The following ADAMTS17 variants were observed in gnomAD, a reference collection of about 807,000 sequenced individuals.
ADAMTS17 encodes the protein ADAM metallopeptidase with thrombospondin type 1 motif 17, also known as A disintegrin and metalloproteinase with thrombospondin motifs 17.
Under a neutral mutation model 141.5 loss-of-function variants are expected in ADAMTS17, and 113 were observed. That is an observed-to-expected ratio of 0.80 (90% CI 0.69 to 0.93). The LOEUF is 0.93. Ranked by LOEUF, ADAMTS17 falls within the 40% of genes least tolerant of loss-of-function variation. The pLI is 0.00. For missense variants in ADAMTS17, 1,659 were observed against 1,517.9 expected, an observed-to-expected ratio of 1.09 and a Z score of -1.54; for synonymous variants, 768 against 630.6, an observed-to-expected ratio of 1.22 and a Z score of -3.27.
chr15:100,144,464 C>T (rs1048278960), intron 10 of ADAMTS17, among the ~76,000 whole-genome samples: 14 of 152,106 alleles, frequency 9.2e-5, no homozygotes, highest in African/African-American at 3.1e-4. Context: ...GCAGGAGAAT[C>T]GCTTGAATCT....
chr15:100,034,944 A>G (rs925768461), intron 18 of ADAMTS17, among the ~76,000 whole-genome samples: 6 of 152,224 alleles, frequency 3.9e-5, no homozygotes, highest in Non-Finnish European at 7.3e-5. Context: ...TCCCCTTAGC[A>G]TAAACATGCA....
At chr15:100,059,026 G>T (rs2032893379) in intron 15 of ADAMTS17, among the ~76,000 whole-genome samples, 1 of 152,168 alleles carries the variant, frequency 6.6e-6, no homozygotes, top group Non-Finnish European at 1.5e-5. Flanking sequence ...GACAGATTTT[G>T]CTATCCACCT....
At chr15:100,305,698 T>C (rs2045200881) in intron 3 of ADAMTS17, among the ~76,000 whole-genome samples, 1 of 152,018 alleles carries the variant, frequency 6.6e-6, no homozygotes, top group Non-Finnish European at 1.5e-5. Context: ...GTGAGGGTGG[T>C]TTTACTGATG....
intron 15 of ADAMTS17, among the ~76,000 whole-genome samples, chr15:100,064,890 G>T (rs557512553): frequency 6.6e-6 from 1 of 152,148 alleles, no homozygotes; most frequent in Non-Finnish European, 1.5e-5. Context: ...CGTATTAGGC[G>T]TTTGTTTCTG....
At chr15:100,030,726 C>T (rs2127846) in intron 18 of ADAMTS17, among the ~76,000 whole-genome samples, 6,931 of 152,220 alleles carry the variant, frequency 0.046, 334 homozygotes, top group African/African-American at 0.12. Context: ...CTCTGAAATA[C>T]GTATAAATTA....
At chr15:100,275,163 A>C (rs55680282) in intron 4 of ADAMTS17, among the ~76,000 whole-genome samples, 20,179 of 152,250 alleles carry the variant, frequency 0.13, 1,456 homozygotes, top group East Asian at 0.31. Context: ...AACTCGTTCC[A>C]CAAGGCACGT....
intron 15 of ADAMTS17, among the ~76,000 whole-genome samples, chr15:100,058,437 G>A (rs2032829393): frequency 6.7e-6 from 1 of 150,152 alleles, no homozygotes; most frequent in Non-Finnish European, 1.5e-5. Flanking sequence ...GTATTCCTCG[G>A]GCCCTTTTTT....
At chr15:100,071,033 A>G (rs1340779315) in intron 15 of ADAMTS17, among the ~76,000 whole-genome samples, 1 of 150,366 alleles carries the variant, frequency 6.7e-6, no homozygotes, top group Non-Finnish European at 1.5e-5. Flanking sequence ...AGAATCAAAT[A>G]GATGCAATAA....
intron 18 of ADAMTS17, among the ~76,000 whole-genome samples, chr15:100,004,828 C>G (rs2061006542): frequency 6.6e-6 from 1 of 152,142 alleles, no homozygotes; most frequent in Non-Finnish European, 1.5e-5. Flanking sequence ...CCCATGTTGG[C>G]CAGGCTGGTC....
At chr15:100,040,933 AAGAC>A (rs1183580386) in intron 18 of ADAMTS17, among the ~76,000 whole-genome samples, 9 of 152,218 alleles carry the variant, frequency 5.9e-5, no homozygotes, top group African/African-American at 2.2e-4. Context: ...ATTTTAGAAA[AAGAC>A]AGGAAAGAAA....
At chr15:100,149,742 A>G (rs1567258700) in intron 10 of ADAMTS17, among the ~76,000 whole-genome samples, 1 of 152,210 alleles carries the variant, frequency 6.6e-6, no homozygotes, top group Non-Finnish European at 1.5e-5. Flanking sequence ...TCCCTTGTTC[A>G]GGTGTGCTCT....
chr15:100,070,524 G>A (rs959422028), intron 15 of ADAMTS17, among the ~76,000 whole-genome samples: 3 of 150,228 alleles, frequency 2.0e-5, no homozygotes, highest in East Asian at 1.9e-4. Context: ...TAAAACAATA[G>A]AAATTATAAC....
chr15:100,112,992 G>C (rs1261706962), intron 13 of ADAMTS17, among the ~76,000 whole-genome samples: 1 of 152,158 alleles, frequency 6.6e-6, no homozygotes, highest in Admixed American at 6.5e-5. Context: ...TGGGGACATT[G>C]CTTTGAGTTC....
intron 10 of ADAMTS17, among the ~76,000 whole-genome samples, chr15:100,138,990 G>C (rs540647367): frequency 1.3e-5 from 2 of 152,258 alleles, no homozygotes; most frequent in African/African-American, 4.8e-5. Context: ...GCTTGAAGGC[G>C]CATGGGGGGT....
At chr15:100,182,413 G>T (rs1438457370) in intron 8 of ADAMTS17, among the ~76,000 whole-genome samples, 1 of 152,204 alleles carries the variant, frequency 6.6e-6, no homozygotes, top group South Asian at 2.1e-4. Flanking sequence ...TGGGGACACA[G>T]ATCCAAACCA....
intron 3 of ADAMTS17, among the ~76,000 whole-genome samples, chr15:100,289,417 G>C (rs1416816680): frequency 6.6e-6 from 1 of 152,138 alleles, no homozygotes; most frequent in Non-Finnish European, 1.5e-5. Context: ...ATAAAGAAGA[G>C]CTGGTACCAT....
chr15:100,187,427 G>A (rs2040758766), intron 8 of ADAMTS17, among the ~76,000 whole-genome samples: 1 of 152,148 alleles, frequency 6.6e-6, no homozygotes, highest in Non-Finnish European at 1.5e-5. Flanking sequence ...ATAAACACAA[G>A]GACCACTGAA....
intron 7 of ADAMTS17, among the ~76,000 whole-genome samples, chr15:100,235,224 T>G (rs1372440695): frequency 6.6e-6 from 1 of 152,110 alleles, no homozygotes; most frequent in Admixed American, 6.5e-5. Flanking sequence ...GGATTCCATG[T>G]GCTAGAAAAG....
intron 7 of ADAMTS17, among the ~76,000 whole-genome samples, chr15:100,242,221 C>T (rs1342746546): frequency 6.6e-6 from 1 of 152,210 alleles, no homozygotes; most frequent in Non-Finnish European, 1.5e-5. Context: ...ATGGCTTCGG[C>T]ATGACTGACC....
Sources: gnomAD v4.1 joint callset for allele counts (sites outside exome capture counted in the v4.1 genomes callset) on GRCh38, gnomAD v4.1.1 for gene constraint, MANE v1.5 for transcripts, NCBI Gene and HGNC (gene_info 2026-07-23, HGNC 2026-07-21) for gene names.